Variants in ADCY5 observed in about 807,000 individuals in gnomAD.
ADCY5 encodes adenylate cyclase type 5.
A neutral mutation model predicts 119.7 loss-of-function variants in ADCY5; 30 were observed. That is an observed-to-expected ratio of 0.25 (90% CI 0.19 to 0.34). The LOEUF (loss-of-function observed/expected upper bound fraction) is 0.34. ADCY5 is among the 10% of genes least tolerant of loss of function. ADCY5 has a pLI of 1.00. For missense variants in ADCY5, 1,324 were observed against 1,775.2 expected, an observed-to-expected ratio of 0.75 and a Z score of 4.57; for synonymous variants, 753 against 762.2, an observed-to-expected ratio of 0.99 and a Z score of 0.20.
chr3:123,327,508 T>C, intron 7 of ADCY5, 110 bp downstream of exon 7: 1 of 1,202,774 alleles, frequency 8.3e-7, no homozygotes, highest in Non-Finnish European at 1.1e-6. Context: ...CGCAACTGCA[T>C]AAGAAATTCA....
At chr3:123,349,081 C>T (rs1183307079) in intron 2 of ADCY5, among the ~76,000 whole-genome samples, 2 of 152,214 alleles carry the variant, frequency 1.3e-5, no homozygotes, top group Non-Finnish European at 2.9e-5. Context: ...CAGCCATTTC[C>T]CACATCCCTA....
At chr3:123,396,209 AAG>A (rs1944557261) in intron 1 of ADCY5, among the ~76,000 whole-genome samples, 3 of 137,642 alleles carry the variant, frequency 2.2e-5, no homozygotes, top group African/African-American at 5.2e-5. Context: ...GAAGAAAAGA[AAG>A]AGAAAGAAAG....
At chr3:123,409,300 G>A (rs2107621101) in intron 1 of ADCY5, among the ~76,000 whole-genome samples, 1 of 152,288 alleles carries the variant, frequency 6.6e-6, no homozygotes, top group Non-Finnish European at 1.5e-5. Context: ...GTGCCATGGG[G>A]GCCCCCAGGG....
chr3:123,317,743 G>A (rs1328440027), intron 11 of ADCY5, among the ~76,000 whole-genome samples: 5 of 119,766 alleles, frequency 4.2e-5, no homozygotes, highest in East Asian at 3.1e-4. Flanking sequence ...TCCCCACCAC[G>A]CCGACCCAAA....
rs77380967 is a variant in ADCY5, at chr3:123,373,301, A to C, written c.1135-20720T>G. ...TGAGCCAAAAATAATGAAGAGAGGAAGTCTGCTATAAATCATCTAGCGCAT... is the reference window on the plus strand; with the variant it reads ...TGAGCCAAAAATAATGAAGAGAGGACGTCTGCTATAAATCATCTAGCGCAT... On this transcript the variant is annotated intron_variant, in intron 1 of 20. Coordinates refer to ENST00000462833, the MANE Select transcript of ADCY5 (RefSeq NM_183357.3). Among the ~76,000 whole-genome samples the C allele has an allele frequency of 8.8e-3, 1,346 of 152,348 alleles. 15 individuals carry two copies. Among genetic ancestry groups the C allele is most frequent in the African/African-American group, 0.03 (1,248 of 41,570 alleles).
At chr3:123,319,925 G>T in intron 9 of ADCY5, 107 bp from the exon 10 acceptor site, 1 of 1,453,916 alleles carries the variant, frequency 6.9e-7, no homozygotes, top group Non-Finnish European at 9.3e-7. Flanking sequence ...CCTGGCAGCT[G>T]TCCACCATCA....
At chr3:123,440,967 C>T (rs1434681167) in intron 1 of ADCY5, among the ~76,000 whole-genome samples, 1 of 152,222 alleles carries the variant, frequency 6.6e-6, no homozygotes, top group African/African-American at 2.4e-5. Flanking sequence ...GGATGCCTCC[C>T]AATAAGTCTG....
chr3:123,359,237 G>T (rs1480015869), intron 1 of ADCY5, among the ~76,000 whole-genome samples: 1 of 150,124 alleles, frequency 6.7e-6, no homozygotes, highest in African/African-American at 2.5e-5. Context: ...GGAGGGAGCA[G>T]GATGTTCAGT....
chr3:123,290,376 A>G (rs574809947), intron 18 of ADCY5, among the ~76,000 whole-genome samples: 114 of 150,874 alleles, frequency 7.6e-4, no homozygotes, highest in African/African-American at 2.7e-3. Flanking sequence ...AACTCCCATC[A>G]CTCCACTGCC....
intron 1 of ADCY5, among the ~76,000 whole-genome samples, chr3:123,359,854 T>A (rs1233487850): frequency 6.6e-6 from 1 of 152,170 alleles, no homozygotes; most frequent in Non-Finnish European, 1.5e-5. Context: ...TAAAAGAAGC[T>A]GACATCCTGG....
chr3:123,363,865 C>T (rs1943342402), intron 1 of ADCY5, among the ~76,000 whole-genome samples: 1 of 152,230 alleles, frequency 6.6e-6, no homozygotes, highest in Non-Finnish European at 1.5e-5. Context: ...GCCACGATTA[C>T]ACCACTGAAC....
At chr3:123,348,395 A>C (rs1942674790) in intron 2 of ADCY5, among the ~76,000 whole-genome samples, 1 of 152,194 alleles carries the variant, frequency 6.6e-6, no homozygotes, top group Non-Finnish European at 1.5e-5. Context: ...CTGGGGACCA[A>C]GTGAGTTAAC....
At chr3:123,398,127 C>A (rs1174401290) in intron 1 of ADCY5, among the ~76,000 whole-genome samples, 2 of 152,202 alleles carry the variant, frequency 1.3e-5, no homozygotes, top group Non-Finnish European at 2.9e-5. Flanking sequence ...CTCCTGCACA[C>A]AGCATTGGCA....
intron 1 of ADCY5, among the ~76,000 whole-genome samples, chr3:123,419,454 C>A (rs1297078457): frequency 2.0e-5 from 3 of 152,128 alleles, no homozygotes; most frequent in African/African-American, 7.2e-5. Context: ...GCCAGACTTG[C>A]ATCAGCCTCC....
At chr3:123,303,335 C>T (rs1939967553) in intron 13 of ADCY5, 116 bp from the exon 14 acceptor site, 21 of 1,144,376 alleles carry the variant, frequency 1.8e-5, no homozygotes, top group Non-Finnish European at 2.6e-5. Flanking sequence ...TGCAGCATGA[C>T]ACTGATGGGG....
intron 1 of ADCY5, among the ~76,000 whole-genome samples, chr3:123,371,254 C>T (rs1032432631): frequency 6.6e-6 from 1 of 152,206 alleles, no homozygotes; most frequent in Non-Finnish European, 1.5e-5. Context: ...GTAACTTAAC[C>T]TTAGTAAACC....
intron 1 of ADCY5, among the ~76,000 whole-genome samples, chr3:123,436,709 A>T (rs936638333): frequency 5.3e-5 from 8 of 152,112 alleles, no homozygotes; most frequent in African/African-American, 9.7e-5. Context: ...CCATCTCAAA[A>T]AATAATAATA....
chr3:123,306,887 C>A (rs925374219), intron 12 of ADCY5, among the ~76,000 whole-genome samples: 1 of 152,198 alleles, frequency 6.6e-6, no homozygotes, highest in Non-Finnish European at 1.5e-5. Context: ...TGTGATATAT[C>A]CATACACTGG....
chr3:123,360,990 A>C (rs957729073), intron 1 of ADCY5, among the ~76,000 whole-genome samples: 4 of 152,212 alleles, frequency 2.6e-5, no homozygotes, highest in Non-Finnish European at 5.9e-5. Context: ...CTGGGATCAC[A>C]GCCATCTCTT....
Sources: allele counts gnomAD v4.1 joint callset (sites outside exome capture counted in the v4.1 genomes callset), GRCh38; gene constraint gnomAD v4.1.1; transcripts MANE v1.5; gene names NCBI Gene and HGNC (gene_info 2026-07-23, HGNC 2026-07-21).